Variants in HYAL4 observed in about 807,000 individuals in gnomAD.
HYAL4 encodes the protein hyaluronidase-4.
In HYAL4, 37 loss-of-function variants were observed where a neutral mutation model predicts 35.2. That is an observed-to-expected ratio of 1.05 (90% CI 0.81 to 1.38). The LOEUF is 1.38. Ranked by LOEUF, HYAL4 falls within the 40% of genes most tolerant of loss-of-function variation. HYAL4 has a pLI of 0.00. For synonymous variants in HYAL4, 198 were observed against 203.2 expected (o/e 0.97, Z 0.22); for missense variants, 572 against 572.4 (o/e 1.00, Z 0.01).
the HYAL4 span, among the ~76,000 whole-genome samples, chr7:123,765,172 CTT>C: frequency 6.0e-4 from 92 of 152,144 alleles, no homozygotes; most frequent in African/African-American, 1.3e-3. Context: ...CATTTTAACT[CTT>C]TTGAGTTAAC....
At chr7:123,863,649 G>A (rs1806625927) in intron 2 of HYAL4, among the ~76,000 whole-genome samples, 1 of 152,180 alleles carries the variant, frequency 6.6e-6, no homozygotes, top group Non-Finnish European at 1.5e-5. Flanking sequence ...TTTGTGGGTT[G>A]CACAGTGACC....
the HYAL4 span, among the ~76,000 whole-genome samples, chr7:123,815,952 T>C: frequency 2.0e-5 from 3 of 152,206 alleles, no homozygotes; most frequent in Non-Finnish European, 4.4e-5. Context: ...GACATATTCA[T>C]CTTTGCAGGA....
chr7:123,783,192 C>T, the HYAL4 span, among the ~76,000 whole-genome samples: 2 of 152,154 alleles, frequency 1.3e-5, no homozygotes, highest in African/African-American at 2.4e-5. Flanking sequence ...ATGCGTCCTA[C>T]ACATCAAGCC....
the HYAL4 span, among the ~76,000 whole-genome samples, chr7:123,773,552 T>C: frequency 6.6e-6 from 1 of 152,214 alleles, no homozygotes; most frequent in East Asian, 1.9e-4. Context: ...GGATAGATTT[T>C]ATCTCACAGA....
chr7:123,783,260 TG>T, the HYAL4 span, among the ~76,000 whole-genome samples: 3 of 152,304 alleles, frequency 2.0e-5, no homozygotes, highest in African/African-American at 7.2e-5. Flanking sequence ...TGGATTAAGT[TG>T]TATAGAAAAT....
At chr7:123,811,595 T>G in the HYAL4 span, among the ~76,000 whole-genome samples, 23 of 152,336 alleles carry the variant, frequency 1.5e-4, no homozygotes, top group Non-Finnish European at 3.1e-4. Context: ...TTGTTAGATA[T>G]GTCTTTTGCA....
intron 3 of HYAL4, 33 bp from the exon 4 acceptor site, chr7:123,874,726 CAA>C (rs1806966874): frequency 7.6e-7 from 1 of 1,317,600 alleles, no homozygotes; most frequent in African/African-American, 1.4e-5. Flanking sequence ...GTTTTACATT[CAA>C]ATTAATAATG....
upstream of HYAL4, among the ~76,000 whole-genome samples, chr7:123,828,765 C>T (rs1805837532): frequency 6.6e-6 from 1 of 152,148 alleles, no homozygotes; most frequent in African/African-American, 2.4e-5. Context: ...GGGTCATAGT[C>T]TTCCCAATTA....
At chr7:123,827,207 G>A (rs1805812244), upstream of HYAL4, among the ~76,000 whole-genome samples, 1 of 152,084 alleles carries the variant, frequency 6.6e-6, no homozygotes, top group Admixed American at 6.6e-5. Flanking sequence ...AGTGTTAAAT[G>A]TAGGAAAGAT....
intron 2 of HYAL4, among the ~76,000 whole-genome samples, chr7:123,849,284 T>C (rs11772613): frequency 1.3e-5 from 2 of 149,472 alleles, no homozygotes; most frequent in African/African-American, 2.5e-5. Context: ...TCTCTCTCTC[T>C]CCCTCTCTCT....
intron 2 of HYAL4, among the ~76,000 whole-genome samples, chr7:123,849,737 C>G (rs544757494): frequency 5.9e-5 from 9 of 152,134 alleles, no homozygotes; most frequent in African/African-American, 2.2e-4. Flanking sequence ...TATGGTGGAG[C>G]GTGCCTGTAG....
the HYAL4 span, among the ~76,000 whole-genome samples, chr7:123,769,145 G>A: frequency 6.6e-5 from 10 of 152,108 alleles, no homozygotes; most frequent in African/African-American, 2.4e-4. Flanking sequence ...TTTTTCCTAA[G>A]TAGAATTATG....
chr7:123,857,175 C>G (rs1323529816), intron 2 of HYAL4, among the ~76,000 whole-genome samples: 1 of 152,180 alleles, frequency 6.6e-6, no homozygotes, highest in South Asian at 2.1e-4. Flanking sequence ...TCTTCACCCC[C>G]TTTCCAGGGG....
chr7:123,808,418 CGTGTGTGTGTGTGTGTGTGTGTGTGTGT>C, the HYAL4 span, among the ~76,000 whole-genome samples: 11 of 142,590 alleles, frequency 7.7e-5, no homozygotes, highest in Non-Finnish European at 1.5e-4. Context: ...TGTATCATCA[CGTGTGTGTGTGTGTGTGTGTGTGTGTGT>C]GTGTGTGTGT....
At chr7:123,790,987 A>G in the HYAL4 span, among the ~76,000 whole-genome samples, 1 of 151,218 alleles carries the variant, frequency 6.6e-6, no homozygotes, top group Non-Finnish European at 1.5e-5. Flanking sequence ...CTGGTCTTGA[A>G]CTCCTGACCT....
At chr7:123,819,263 G>C in the HYAL4 span, 1 of 152,532 alleles carries the variant, frequency 6.6e-6, no homozygotes, top group Non-Finnish European at 1.5e-5. Context: ...CACAGTTGAG[G>C]GATTGAGTCT....
chr7:123,778,155 GTCTGTCTA>G, the HYAL4 span, among the ~76,000 whole-genome samples: 30,646 of 131,952 alleles, frequency 0.23, 3,319 homozygotes, highest in Middle Eastern at 0.29. Flanking sequence ...CTATCTGTCT[GTCTGTCTA>G]TCTATCTATC....
intron 2 of HYAL4, among the ~76,000 whole-genome samples, chr7:123,860,591 A>G (rs1027669343): frequency 2.0e-5 from 3 of 152,208 alleles, no homozygotes; most frequent in African/African-American, 7.2e-5. Flanking sequence ...TTATAGGTGC[A>G]TAGCATTCCA....
chr7:123,837,987 A>C (rs1163801697), intron 1 of HYAL4, among the ~76,000 whole-genome samples: 2 of 152,152 alleles, frequency 1.3e-5, no homozygotes, highest in Admixed American at 6.5e-5. Flanking sequence ...ATACATGTGC[A>C]TGTGTCTTTA....
Sources: gnomAD v4.1 joint callset for allele counts (sites outside exome capture counted in the v4.1 genomes callset) on GRCh38, gnomAD v4.1.1 for gene constraint, MANE v1.5 for transcripts, NCBI Gene and HGNC (gene_info 2026-07-23, HGNC 2026-07-21) for gene names.